The following SLC16A10 variants were observed in gnomAD, a reference collection of about 807,000 sequenced individuals.
SLC16A10 encodes monocarboxylate transporter 10.
A neutral mutation model predicts 40.0 loss-of-function variants in SLC16A10; 27 were observed. That is an observed-to-expected ratio of 0.67 (90% confidence interval 0.50 to 0.93). The LOEUF is 0.93. Among genes scored for constraint, SLC16A10 ranks in the 40% least tolerant of loss-of-function variants. The probability of loss-of-function intolerance (pLI) is 0.00; values close to 1 mark genes in which losing one functional copy is unlikely to be tolerated. For missense variants in SLC16A10, 529 were observed against 658.2 expected (o/e 0.80, Z 2.15); for synonymous variants, 213 against 249.8 (o/e 0.85, Z 1.39).
Position 111,161,238 on chromosome 6 carries a change from A to AAG in SLC16A10, c.344-11456_344-11455insGA, listed in dbSNP as rs1271390590. Among the ~76,000 whole-genome samples the AAG allele has an allele frequency of 4.6e-5, 7 of 151,020 alleles. No individual in the cohort carries two copies. In the East Asian group the frequency reaches 5.8e-4, roughly 13 times the overall value. ...ACAGTGTCTCAAAAAAAAAAAAAAA[A>AAG]AAAAAAAAGAAAGGGTAGGTATGTG... On this transcript the variant is annotated intron_variant, in intron 1 of 5. Transcript: ENST00000368851.
intron 4 of SLC16A10, among the ~76,000 whole-genome samples, chr6:111,214,050 C>A: frequency 6.6e-6 from 1 of 152,178 alleles, no homozygotes; most frequent in Non-Finnish European, 1.5e-5. Flanking sequence ...ATTTCTCCAG[C>A]AATGCTCTCC....
chr6:111,170,968 T>C (rs1414395127), intron 1 of SLC16A10, among the ~76,000 whole-genome samples: 1 of 152,016 alleles, frequency 6.6e-6, no homozygotes. Context: ...CGAAACCTTG[T>C]CTCTACAAAA....
intron 1 of SLC16A10, among the ~76,000 whole-genome samples, chr6:111,089,507 C>T (rs886977870): frequency 2.5e-4 from 38 of 152,276 alleles, no homozygotes; most frequent in African/African-American, 8.7e-4. Flanking sequence ...CATGTGAATA[C>T]GGTACCATTT....
intron 1 of SLC16A10, among the ~76,000 whole-genome samples, chr6:111,106,896 T>A (rs1771294471): frequency 6.6e-6 from 1 of 152,334 alleles, no homozygotes; most frequent in South Asian, 2.1e-4. Flanking sequence ...AGCTGGGGAT[T>A]AACAAAGCTG....
intron 3 of SLC16A10, among the ~76,000 whole-genome samples, chr6:111,203,311 ATTCCCTCACATAC>A (rs1773201904): frequency 6.6e-6 from 1 of 152,212 alleles, no homozygotes; most frequent in African/African-American, 2.4e-5. Flanking sequence ...GCATCACCAG[ATTCCCTCACATAC>A]TGACCAAAGA....
At chr6:111,198,961 A>C (rs1175521588) in intron 3 of SLC16A10, among the ~76,000 whole-genome samples, 2 of 152,192 alleles carry the variant, frequency 1.3e-5, no homozygotes, top group Non-Finnish European at 2.9e-5. Context: ...CCACTTTTAT[A>C]TCTTCAAAGT....
chr6:111,198,006 G>T (rs1336529255), intron 3 of SLC16A10, among the ~76,000 whole-genome samples: 1 of 152,168 alleles, frequency 6.6e-6, no homozygotes, highest in Non-Finnish European at 1.5e-5. Flanking sequence ...CCTATCTTAG[G>T]CTGGGCACGG....
chr6:111,163,442 G>T (rs953936637), intron 1 of SLC16A10, among the ~76,000 whole-genome samples: 6 of 151,996 alleles, frequency 3.9e-5, no homozygotes, highest in African/African-American at 1.4e-4. Flanking sequence ...GTGAGCCACC[G>T]CACCCGGCAA....
chr6:111,204,828 A>G (rs1226795452), intron 3 of SLC16A10, among the ~76,000 whole-genome samples: 1 of 152,172 alleles, frequency 6.6e-6, no homozygotes, highest in Non-Finnish European at 1.5e-5. Flanking sequence ...ACATTGGTAG[A>G]CCTATATGAT....
intron 1 of SLC16A10, among the ~76,000 whole-genome samples, chr6:111,145,624 A>G (rs576679485): frequency 1.3e-5 from 2 of 152,002 alleles, no homozygotes; most frequent in South Asian, 4.2e-4. Context: ...TGAGACAAGA[A>G]GATTACTTGA....
chr6:111,142,103 T>C (rs1375307296), intron 1 of SLC16A10, among the ~76,000 whole-genome samples: 1 of 152,202 alleles, frequency 6.6e-6, no homozygotes, highest in African/African-American at 2.4e-5. Context: ...AGACTGACAG[T>C]GTCCTACTTC....
chr6:111,179,166 C>T (rs114954300), intron 3 of SLC16A10, among the ~76,000 whole-genome samples: 6 of 152,206 alleles, frequency 3.9e-5, no homozygotes, highest in African/African-American at 1.4e-4. Flanking sequence ...CATGAACACA[C>T]CTAGAGAAAT....
intron 4 of SLC16A10, among the ~76,000 whole-genome samples, chr6:111,212,684 T>C (rs1007756085): frequency 2.0e-5 from 3 of 151,944 alleles, no homozygotes; most frequent in African/African-American, 7.3e-5. Flanking sequence ...TCCCAGCTAC[T>C]TGGGAGATTG....
chr6:111,149,363 A>G (rs905757405), intron 1 of SLC16A10, among the ~76,000 whole-genome samples: 2 of 152,224 alleles, frequency 1.3e-5, no homozygotes, highest in Non-Finnish European at 2.9e-5. Context: ...AGGCTATGCC[A>G]CTGTCATGAC....
At chr6:111,139,558 C>G (rs547635702) in intron 1 of SLC16A10, among the ~76,000 whole-genome samples, 1 of 152,264 alleles carries the variant, frequency 6.6e-6, no homozygotes, top group African/African-American at 2.4e-5. Context: ...CCTCGGCCCC[C>G]AAAAGTGCTG....
At chr6:111,109,028 G>C (rs1047729397) in intron 1 of SLC16A10, among the ~76,000 whole-genome samples, 1 of 152,082 alleles carries the variant, frequency 6.6e-6, no homozygotes, top group Admixed American at 6.6e-5. Flanking sequence ...ATGTTAGAAG[G>C]CTCAATTAAT....
At chr6:111,107,951 G>A (rs543346316) in intron 1 of SLC16A10, among the ~76,000 whole-genome samples, 4 of 152,036 alleles carry the variant, frequency 2.6e-5, no homozygotes, top group South Asian at 4.2e-4. Flanking sequence ...CAATGTTCCC[G>A]GTCATCCTCT....
intron 4 of SLC16A10, among the ~76,000 whole-genome samples, chr6:111,207,944 G>A (rs1773282178): frequency 6.6e-6 from 1 of 152,010 alleles, no homozygotes; most frequent in South Asian, 2.1e-4. Context: ...GCCAGAGAGT[G>A]ACATAAATTG....
At chr6:111,100,609 G>A (rs536689119) in intron 1 of SLC16A10, among the ~76,000 whole-genome samples, 3 of 151,958 alleles carry the variant, frequency 2.0e-5, no homozygotes, top group African/African-American at 4.8e-5. Flanking sequence ...GGATGATCTC[G>A]ATATCTTGAC....
Sources: allele counts gnomAD v4.1 joint callset (sites outside exome capture counted in the v4.1 genomes callset), GRCh38; gene constraint gnomAD v4.1.1; transcripts MANE v1.5; gene names NCBI Gene and HGNC (gene_info 2026-07-23, HGNC 2026-07-21).